Variants in NCOR1 observed in about 807,000 individuals in gnomAD.
The protein encoded by NCOR1 is nuclear receptor corepressor 1.
NCOR1 carries 63 observed loss-of-function variants against 288.1 expected under a neutral mutation model. The observed-to-expected ratio is 0.22, with a 90% confidence interval of 0.18 to 0.27. The LOEUF (loss-of-function observed/expected upper bound fraction) is 0.27. NCOR1 is among the 10% of genes least tolerant of loss of function. The pLI is 1.00. For synonymous variants in NCOR1, 1,007 were observed against 1,065.9 expected (o/e 0.94, Z 1.08); for missense variants, 2,397 against 3,019.2 (o/e 0.79, Z 4.83).
At chr17:16,102,889 C>G (rs946020704) in intron 19 of NCOR1, among the ~76,000 whole-genome samples, 3 of 152,186 alleles carry the variant, frequency 2.0e-5, no homozygotes, top group African/African-American at 7.2e-5. Context: ...CCACCGCACC[C>G]AGCCTGCATA....
At chr17:16,040,894 A>AAAT (rs1567655264) in intron 42 of NCOR1, 33 of 184,578 alleles carry the variant, frequency 1.8e-4, no homozygotes, top group Non-Finnish European at 3.2e-4. Flanking sequence ...AATAAATAAA[A>AAAT]AAAGAAGCAG....
chr17:16,116,745 A>C (rs2071678928), intron 18 of NCOR1, among the ~76,000 whole-genome samples: 1 of 152,240 alleles, frequency 6.6e-6, no homozygotes, highest in Non-Finnish European at 1.5e-5. Context: ...TTCCCATTAC[A>C]TGACACGAAG....
rs2074015569 is a variant in NCOR1, at chr17:16,126,226, T to C, written c.1510-20A>G. On this transcript the variant is annotated intron_variant, in intron 14 of 45. Coordinates refer to ENST00000268712, the MANE Select transcript of NCOR1 (RefSeq NM_006311.4). ...AATTTGCTGCTAGAATGAACCATCATTTGTAAAATTCAAAGGCAAACAGAA... is the reference window on the plus strand; with the variant it reads ...AATTTGCTGCTAGAATGAACCATCACTTGTAAAATTCAAAGGCAAACAGAA... The C allele has an allele frequency of 1.3e-6, 2 of 1,500,188 alleles. No homozygotes were observed. Among genetic ancestry groups the C allele is most frequent in the African/African-American group, 1.4e-5 (1 of 69,794 alleles). The allele number at this position is 1,500,188 out of a possible 1,614,324, so 92.9% of individuals were successfully genotyped here.
At chr17:16,076,722 G>T (rs892250586) in intron 26 of NCOR1, among the ~76,000 whole-genome samples, 1 of 152,090 alleles carries the variant, frequency 6.6e-6, no homozygotes, top group Non-Finnish European at 1.5e-5. Flanking sequence ...AAAAACTAGC[G>T]ACAACCACCT....
intron 5 of NCOR1, among the ~76,000 whole-genome samples, chr17:16,162,061 T>G (rs74526105): frequency 6.6e-6 from 1 of 151,936 alleles, no homozygotes; most frequent in Non-Finnish European, 1.5e-5. Context: ...GGGCATATAA[T>G]AAAAATTTAA....
intron 22 of NCOR1, 116 bp from the exon 23 acceptor site, chr17:16,086,558 A>G: frequency 1.1e-6 from 1 of 883,284 alleles, no homozygotes; most frequent in South Asian, 1.9e-5. Context: ...GTAAGATGAA[A>G]CCAACAATGA....
chr17:16,114,884 T>C (rs903450297), intron 18 of NCOR1, among the ~76,000 whole-genome samples: 5 of 152,168 alleles, frequency 3.3e-5, no homozygotes, highest in Admixed American at 3.3e-4. Flanking sequence ...TTCTGGAGGA[T>C]GGTGGCCCTC....
intron 2 of NCOR1, among the ~76,000 whole-genome samples, chr17:16,189,389 G>GTCTCAAAAAATAAAAAAAAAA (rs1234991905): frequency 1.3e-5 from 2 of 151,860 alleles, no homozygotes; most frequent in Non-Finnish European, 2.9e-5. Context: ...GTGAGACTCT[G>GTCTCAAAAAATAAAAAAAAAA]TCTCAAAAAA....
Position 16,135,651 on chromosome 17 carries a change from A to C in NCOR1, c.1509+1660T>G, listed in dbSNP as rs2076287496. 1.3e-5 allele frequency among the ~76,000 whole-genome samples: 2 copies of C among 152,304 alleles called. 1 individual carries two copies. Among genetic ancestry groups the C allele is most frequent in the Non-Finnish European group, 2.9e-5 (2 of 68,036 alleles). On this transcript the variant is annotated intron_variant, in intron 14 of 45. Coordinates refer to ENST00000268712, the MANE Select transcript of NCOR1 (RefSeq NM_006311.4). ...AGGCACCTTGGCTTACTCAACCTCT[A>C]ACAGCATTTTACACAGTTGACTCAT...
At chr17:16,106,869 A>ATT (rs2068768195) in intron 19 of NCOR1, among the ~76,000 whole-genome samples, 1 of 46,730 alleles carries the variant, frequency 2.1e-5, no homozygotes, top group African/African-American at 1.1e-4. Context: ...ATATATATAT[A>ATT]TATATATATA....
At chr17:16,118,148 ATTAC>A (rs2072106305) in intron 17 of NCOR1, 121 bp from the exon 18 acceptor site, 6 of 924,090 alleles carry the variant, frequency 6.5e-6, no homozygotes, top group South Asian at 4.0e-5. Flanking sequence ...TGTGCTTTCA[ATTAC>A]TTATCATATA....
At chr17:16,160,497 A>C (rs2080610865) in intron 5 of NCOR1, among the ~76,000 whole-genome samples, 1 of 152,194 alleles carries the variant, frequency 6.6e-6, no homozygotes, top group African/African-American at 2.4e-5. Flanking sequence ...TATACTACTA[A>C]ATAAGACTGA....
intron 34 of NCOR1, among the ~76,000 whole-genome samples, chr17:16,064,499 A>G (rs1243812934): frequency 1.3e-5 from 2 of 151,986 alleles, no homozygotes; most frequent in Admixed American, 1.3e-4. Context: ...GCTACTCCAG[A>G]GGCTGAGGCA....
intron 3 of NCOR1, among the ~76,000 whole-genome samples, chr17:16,179,185 AC>A: frequency 1.3e-5 from 2 of 152,304 alleles, no homozygotes; most frequent in African/African-American, 4.8e-5. Context: ...GAAATCAGGT[AC>A]CTTATAAAAT....
At chr17:16,143,152 C>T (rs577441137) in intron 11 of NCOR1, among the ~76,000 whole-genome samples, 20 of 152,294 alleles carry the variant, frequency 1.3e-4, no homozygotes, top group Admixed American at 8.5e-4. Context: ...GAAGAACATA[C>T]TGCCATTTGT....
intron 1 of NCOR1, among the ~76,000 whole-genome samples, chr17:16,210,922 A>G (rs1002611526): frequency 6.6e-6 from 1 of 151,966 alleles, no homozygotes; most frequent in Non-Finnish European, 1.5e-5. Flanking sequence ...TAGTAGAGAC[A>G]GGGTTTCATC....
chr17:16,159,715 A>G (rs927188083), intron 5 of NCOR1, among the ~76,000 whole-genome samples: 1 of 152,134 alleles, frequency 6.6e-6, no homozygotes, highest in African/African-American at 2.4e-5. Flanking sequence ...TTACAAAAAT[A>G]TAGACTATTG....
intron 32 of NCOR1, among the ~76,000 whole-genome samples, chr17:16,066,062 C>T (rs549259387): frequency 9.2e-5 from 14 of 152,166 alleles, no homozygotes; most frequent in African/African-American, 3.1e-4. Context: ...GAAATGTATA[C>T]GAAAATACTT....
At chr17:16,046,884 G>A (rs1079533) in intron 42 of NCOR1, 67 bp downstream of exon 42, 771,615 of 1,555,008 alleles carry the variant, frequency 0.5, 199,940 homozygotes, top group Middle Eastern at 0.55. Context: ...TTACAGGAGA[G>A]GCAACACTGG....
Sources: allele counts gnomAD v4.1 joint callset (sites outside exome capture counted in the v4.1 genomes callset), GRCh38; gene constraint gnomAD v4.1.1; transcripts MANE v1.5; gene names NCBI Gene and HGNC (gene_info 2026-07-23, HGNC 2026-07-21).